The following RAD54L2 variants were observed in gnomAD, a reference collection of about 807,000 sequenced individuals.
RAD54L2 encodes RAD54 like 2.
A neutral mutation model predicts 138.4 loss-of-function variants in RAD54L2; 27 were observed. The ratio of observed to expected loss-of-function variants is 0.20; its 90% CI spans 0.14 to 0.27. RAD54L2 has a LOEUF of 0.27. Ranked by LOEUF, RAD54L2 falls within the 10% of genes least tolerant of loss-of-function variation. The pLI is 1.00. For synonymous variants in RAD54L2, 644 were observed against 723.2 expected, an observed-to-expected ratio of 0.89 and a Z score of 1.76; for missense variants, 1,396 against 1,890.2, an observed-to-expected ratio of 0.74 and a Z score of 4.85.
rs1701957706 is a variant in RAD54L2, at chr3:51,668,507, A to G, written c.*5087A>G. On this transcript the variant is annotated 3_prime_UTR_variant, in exon 23 of 23. Transcript: ENST00000684192. ...AGCAGGGCAGGCGCTCCTGCCCCAG[A>G]GACTGGGCAACTGGCTGTTTCTATG... The G allele has an allele frequency of 6.6e-6, 1 of 152,162 alleles. No homozygotes were observed. 9.4% of individuals were successfully genotyped at this position (152,162 alleles called of 1,614,324 possible).
chr3:51,604,390 T>A (rs1700136738), intron 3 of RAD54L2, among the ~76,000 whole-genome samples: 1 of 152,224 alleles, frequency 6.6e-6, no homozygotes. Context: ...ATTTTTATTG[T>A]ACCCTTTGTT....
intron 3 of RAD54L2, among the ~76,000 whole-genome samples, chr3:51,612,890 T>C (rs1700361121): frequency 6.6e-6 from 1 of 152,186 alleles, no homozygotes; most frequent in Admixed American, 6.5e-5. Flanking sequence ...GAAATTTTTC[T>C]TGATATTACC....
chr3:51,577,498 C>G (rs1699505748), intron 2 of RAD54L2, among the ~76,000 whole-genome samples: 1 of 152,128 alleles, frequency 6.6e-6, no homozygotes, highest in South Asian at 2.1e-4. Context: ...TTTTAGGTCT[C>G]TAAGGACTTG....
intron 3 of RAD54L2, among the ~76,000 whole-genome samples, chr3:51,620,407 CTTTTTTTTTTTT>C (rs60585256): frequency 1.6e-4 from 13 of 82,558 alleles, no homozygotes; most frequent in South Asian, 4.1e-4. Context: ...TCCTACTGGT[CTTTTTTTTTTTT>C]TTTTTTTTTT....
At chr3:51,574,853 A>G (rs1699429241) in intron 2 of RAD54L2, among the ~76,000 whole-genome samples, 1 of 152,230 alleles carries the variant, frequency 6.6e-6, no homozygotes, top group African/African-American at 2.4e-5. Context: ...TAGTTTAATT[A>G]GATCACATTT....
At chr3:51,573,990 T>A (rs1206106435) in intron 2 of RAD54L2, among the ~76,000 whole-genome samples, 4 of 75,682 alleles carry the variant, frequency 5.3e-5, no homozygotes. Context: ...ATGCTATCCC[T>A]CCCCCCACCC....
chr3:51,559,881 G>A (rs1210407766), intron 2 of RAD54L2, among the ~76,000 whole-genome samples: 3 of 152,166 alleles, frequency 2.0e-5, no homozygotes, highest in Admixed American at 6.5e-5. Context: ...TTCCAAATGG[G>A]CTACAGATAT....
intron 2 of RAD54L2, among the ~76,000 whole-genome samples, chr3:51,578,459 G>C (rs557146216): frequency 2.7e-4 from 41 of 152,314 alleles, no homozygotes; most frequent in African/African-American, 9.6e-4. Context: ...AGAGGAGATA[G>C]ACTGCTGATG....
chr3:51,620,258 A>ATTTT (rs34861378), intron 3 of RAD54L2, among the ~76,000 whole-genome samples: 20 of 123,482 alleles, frequency 1.6e-4, no homozygotes, highest in African/African-American at 6.1e-4. Flanking sequence ...TGCTCAGCTA[A>ATTTT]TTTTTTTTTT....
chr3:51,630,960 T>C, intron 7 of RAD54L2, 29 bp downstream of exon 7: 1 of 1,574,240 alleles, frequency 6.4e-7, no homozygotes, highest in Non-Finnish European at 8.7e-7. Flanking sequence ...GTTTTCTCCT[T>C]TTCCTTTTTG....
At chr3:51,567,825 A>G (rs1577393102) in intron 2 of RAD54L2, among the ~76,000 whole-genome samples, 1 of 152,062 alleles carries the variant, frequency 6.6e-6, no homozygotes, top group East Asian at 1.9e-4. Flanking sequence ...AGCACAAAAA[A>G]TAATTTAGTA....
At position 51,663,492 on chromosome 3, in the gene RAD54L2, G is replaced by A; in HGVS notation, c.*72G>A. On this transcript the variant is annotated 3_prime_UTR_variant, in exon 23 of 23. Coordinates refer to ENST00000684192, the MANE Select transcript of RAD54L2 (RefSeq NM_015106.4). ...CACCAAGCTGAAAGGCAGTGATTTA[G>A]ACCTTTTGAGAATAGGACACTTGGC... 6.8e-7 allele frequency: 1 copy of A among 1,469,660 alleles called. No individual in the cohort carries two copies. 91.0% of individuals were successfully genotyped at this position (1,469,660 alleles called of 1,614,324 possible). A position where few individuals can be genotyped will look rare whatever the true frequency, so the allele number is the denominator to read the frequency against.
intron 19 of RAD54L2, among the ~76,000 whole-genome samples, chr3:51,648,937 T>G (rs1185578913): frequency 6.6e-6 from 1 of 152,126 alleles, no homozygotes; most frequent in African/African-American, 2.4e-5. Flanking sequence ...AGAACAAAGC[T>G]GGACGGAGAA....
intron 1 of RAD54L2, chr3:51,541,040 C>T (rs1272364062): frequency 1.2e-5 from 1 of 83,762 alleles, no homozygotes; most frequent in African/African-American, 4.4e-5. Flanking sequence ...GACTCTGACT[C>T]AAAAAAAAAA....
At position 51,625,225 on chromosome 3, in the gene RAD54L2, C is replaced by A. The variant is rs193063603; in HGVS notation, c.140-2328C>A. ...CTTGAGGTCGGGAGTTCGAGACCAC[C>A]CTGACCAACGTGGAGAAACCCCATC... is the stretch of plus-strand genomic sequence containing the variant. On this transcript the variant is annotated intron_variant, in intron 3 of 22. Transcript: ENST00000684192. Among the ~76,000 whole-genome samples the A allele has an allele frequency of 2.6e-5, 4 of 152,208 alleles. No individual in the cohort carries two copies. In the East Asian group the frequency reaches 7.7e-4, roughly 29 times the overall value.
chr3:51,656,326 G>A (rs1171468289), intron 20 of RAD54L2, among the ~76,000 whole-genome samples, 156 bp downstream of exon 20: 1 of 152,234 alleles, frequency 6.6e-6, no homozygotes, highest in Admixed American at 6.5e-5. Context: ...CTGGTCTTGA[G>A]GAATTTGGAT....
chr3:51,563,516 C>T (rs1405991903), intron 2 of RAD54L2, among the ~76,000 whole-genome samples: 4 of 152,136 alleles, frequency 2.6e-5, no homozygotes, highest in Admixed American at 6.5e-5. Context: ...CTGATCCAAG[C>T]CCTGAGAGCC....
chr3:51,649,063 T>C (rs1418177299), intron 19 of RAD54L2, among the ~76,000 whole-genome samples: 1 of 151,956 alleles, frequency 6.6e-6, no homozygotes, highest in Admixed American at 6.6e-5. Flanking sequence ...TGAAAAAAGA[T>C]TAGACAAATG....
At chr3:51,628,060 C>T (rs888220053) in intron 4 of RAD54L2, among the ~76,000 whole-genome samples, 11 of 152,130 alleles carry the variant, frequency 7.2e-5, no homozygotes, top group Non-Finnish European at 1.6e-4. Context: ...CCGGTTTTTC[C>T]TCTATTTTTC....
Sources: gnomAD v4.1 joint callset for allele counts (sites outside exome capture counted in the v4.1 genomes callset) on GRCh38, gnomAD v4.1.1 for gene constraint, MANE v1.5 for transcripts, NCBI Gene and HGNC (gene_info 2026-07-23, HGNC 2026-07-21) for gene names.